The following KLHL8 variants were observed in gnomAD, a reference collection of about 807,000 sequenced individuals.
KLHL8 encodes the protein kelch like family member 8, also known as kelch-like protein 8.
In KLHL8, 38 loss-of-function variants were observed where a neutral mutation model predicts 63.5. The ratio of observed to expected loss-of-function variants is 0.60; its 90% confidence interval spans 0.46 to 0.78. KLHL8 has a LOEUF of 0.78. Ranked by LOEUF, KLHL8 falls within the 30% of genes least tolerant of loss-of-function variation. KLHL8 has a pLI of 0.00. For missense variants in KLHL8, 566 were observed against 752.4 expected (o/e 0.75, Z 2.90); for synonymous variants, 224 against 254.3 (o/e 0.88, Z 1.13).
At position 87,162,429 on chromosome 4, in the gene KLHL8, T is replaced by C. The variant is rs2149822333; in HGVS notation, c.*1090A>G. 6.6e-6 allele frequency: 1 copy of C among 152,318 alleles called. No individual in the cohort carries two copies. Among genetic ancestry groups the C allele is most frequent in the African/African-American group, 2.4e-5 (1 of 41,574 alleles). The allele number at this position is 152,318 out of a possible 1,614,324, so 9.4% of individuals were successfully genotyped here. A position where few individuals can be genotyped will look rare whatever the true frequency, so the allele number is the denominator to read the frequency against. Reference sequence around the variant, plus strand: ...AGGGATTTAAATATGATAAAAACAGTAATTTCAATCTCTGTTTTTACCAAC... The same window carrying C: ...AGGGATTTAAATATGATAAAAACAGCAATTTCAATCTCTGTTTTTACCAAC... On this transcript the variant is annotated 3_prime_UTR_variant, in exon 10 of 10. Coordinates refer to ENST00000273963, the MANE Select transcript of KLHL8 (RefSeq NM_020803.5).
At chr4:87,178,958 A>AT (rs1055208538) in intron 4 of KLHL8, among the ~76,000 whole-genome samples, 1 of 152,076 alleles carries the variant, frequency 6.6e-6, no homozygotes, top group Non-Finnish European at 1.5e-5. Context: ...TGATCATCCC[A>AT]TTTTTTGGGA....
At position 87,226,739 on chromosome 4, in the gene KLHL8, T is replaced by A. The variant is rs1380811440; in HGVS notation, n.58-5349A>T. 2.6e-4 allele frequency among the ~76,000 whole-genome samples: 2 copies of A among 7,752 alleles called. 1 individual carries two copies. The highest frequency in any genetic ancestry group is 1.4e-3 in the African/African-American group (2 of 1,382). 5.1% of individuals were successfully genotyped at this position (7,752 alleles called of 152,430 possible). A position where few individuals can be genotyped will look rare whatever the true frequency, so the allele number is the denominator to read the frequency against. On this transcript the variant is annotated intron_variant and non_coding_transcript_variant, in intron 1 of 1. Transcript: ENST00000506274. ...ATTATTTATATATAATATATATTAT[T>A]TATATATAATATATATTATTTATAT...
At chr4:87,209,353 C>T (rs1732294184) in intron 1 of KLHL8, among the ~76,000 whole-genome samples, 1 of 152,076 alleles carries the variant, frequency 6.6e-6, no homozygotes, top group African/African-American at 2.4e-5. Flanking sequence ...ATTTCTATCA[C>T]ATGTTGGCAT....
upstream of KLHL8, among the ~76,000 whole-genome samples, chr4:87,223,162 G>A (rs915853457): frequency 4.6e-5 from 5 of 107,878 alleles, no homozygotes; most frequent in Non-Finnish European, 1.1e-4. Context: ...TTGTAGAGAT[G>A]GGGTTTCTCC....
In KLHL8 at chr4:87,216,445, T is replaced by G. The variant is rs550710453; in HGVS notation, c.-152+3973A>C. ...GCCTAGATCATTGAAGCTAGTGGTT[T>G]CCTAAACCTTTAGTGGGAACAAGGT... On this transcript the variant is annotated intron_variant, in intron 1 of 9. Transcript: ENST00000273963. Among the ~76,000 whole-genome samples the G allele has an allele frequency of 3.3e-5, 5 of 152,352 alleles. No individual in the cohort carries two copies. In the East Asian group the frequency reaches 7.7e-4, roughly 23 times the overall value.
chr4:87,179,095 C>A (rs1030543507), intron 4 of KLHL8, among the ~76,000 whole-genome samples: 1 of 152,172 alleles, frequency 6.6e-6, no homozygotes, highest in African/African-American at 2.4e-5. Flanking sequence ...AGGAAAAGTT[C>A]ATCCCTTTGT....
chr4:87,166,258 A>T (rs1453752173), intron 8 of KLHL8, among the ~76,000 whole-genome samples: 2 of 152,250 alleles, frequency 1.3e-5, no homozygotes, highest in Non-Finnish European at 2.9e-5. Context: ...TTTAATACAC[A>T]TGAGCACTGA....
chr4:87,234,332 A>G (rs559928187), intron 1 of KLHL8, among the ~76,000 whole-genome samples: 12 of 151,908 alleles, frequency 7.9e-5, no homozygotes, highest in Non-Finnish European at 1.8e-4. Flanking sequence ...CCAGCTACTC[A>G]GGAGGCTGAG....
chr4:87,194,907 C>T (rs908442306), intron 2 of KLHL8, among the ~76,000 whole-genome samples: 2 of 152,180 alleles, frequency 1.3e-5, no homozygotes, highest in African/African-American at 4.8e-5. Context: ...CAGTAAAACA[C>T]TAGTATAGCT....
intron 6 of KLHL8, among the ~76,000 whole-genome samples, chr4:87,174,655 G>A (rs1055657774): frequency 7.2e-5 from 11 of 151,806 alleles, no homozygotes; most frequent in African/African-American, 1.9e-4. Context: ...CTCTCTTCTC[G>A]CATTATATTT....
intron 1 of KLHL8, among the ~76,000 whole-genome samples, chr4:87,202,445 T>C (rs1731955148): frequency 6.6e-6 from 1 of 152,014 alleles, no homozygotes; most frequent in Non-Finnish European, 1.5e-5. Context: ...TTGATAAACA[T>C]CTGGCAAAAA....
intron 8 of KLHL8, chr4:87,167,816 C>G (rs1301816924): frequency 4.9e-6 from 1 of 206,012 alleles, no homozygotes; most frequent in Non-Finnish European, 9.9e-6. Context: ...CAAAATCAAA[C>G]TGAAAAATTT....
chr4:87,229,193 A>C (rs1733088243), intron 1 of KLHL8, among the ~76,000 whole-genome samples: 1 of 152,178 alleles, frequency 6.6e-6, no homozygotes, highest in Non-Finnish European at 1.5e-5. Context: ...ATAGAAGGCC[A>C]GAGGGTAATT....
chr4:87,179,334 C>A (rs1037607509), intron 4 of KLHL8, among the ~76,000 whole-genome samples: 1 of 152,196 alleles, frequency 6.6e-6, no homozygotes, highest in Non-Finnish European at 1.5e-5. Context: ...ACTGCAAAAT[C>A]CTGTCCTCTC....
At chr4:87,202,806 T>C (rs4577539) in intron 1 of KLHL8, among the ~76,000 whole-genome samples, 1 of 152,056 alleles carries the variant, frequency 6.6e-6, no homozygotes, top group Non-Finnish European at 1.5e-5. Context: ...CTTTCCAACT[T>C]ATTTCATGAG....
intron 6 of KLHL8, among the ~76,000 whole-genome samples, chr4:87,175,676 C>A (rs888723168): frequency 6.6e-6 from 1 of 152,056 alleles, no homozygotes; most frequent in East Asian, 1.9e-4. Flanking sequence ...GGTTAGAGTA[C>A]TAAGTATGTT....
intron 4 of KLHL8, among the ~76,000 whole-genome samples, chr4:87,180,996 A>G (rs1301164299): frequency 2.0e-5 from 3 of 152,164 alleles, no homozygotes; most frequent in Non-Finnish European, 4.4e-5. Flanking sequence ...TGATTGCACC[A>G]TTGCATTCCA....
intron 4 of KLHL8, among the ~76,000 whole-genome samples, chr4:87,181,154 G>A (rs1376128479): frequency 6.6e-6 from 1 of 151,920 alleles, no homozygotes; most frequent in African/African-American, 2.4e-5. Context: ...TGGGCTGGGC[G>A]CAGTGGCTCA....
At chr4:87,193,815 T>C (rs970825568) in intron 2 of KLHL8, among the ~76,000 whole-genome samples, 13 of 152,194 alleles carry the variant, frequency 8.5e-5, no homozygotes, top group African/African-American at 3.1e-4. Context: ...TCTAATCTTA[T>C]GGGACCACCA....
Sources: gnomAD v4.1 joint callset for allele counts (sites outside exome capture counted in the v4.1 genomes callset) on GRCh38, gnomAD v4.1.1 for gene constraint, MANE v1.5 for transcripts, NCBI Gene and HGNC (gene_info 2026-07-23, HGNC 2026-07-21) for gene names.